Variants in SOX6 observed in about 807,000 individuals in gnomAD.
SOX6 encodes transcription factor SOX-6.
Under a neutral mutation model 97.8 loss-of-function variants are expected in SOX6, and 11 were observed. The observed-to-expected ratio is 0.11, with a 90% CI of 0.07 to 0.19. The LOEUF is 0.19. SOX6 is among the 10% of genes least tolerant of loss of function. The pLI is 1.00. For missense variants in SOX6, 810 were observed against 1,039.5 expected (o/e 0.78, Z 3.04); for synonymous variants, 360 against 371.4 (o/e 0.97, Z 0.35).
At chr11:16,313,003 T>A (rs1335332094) in intron 3 of SOX6, 2 of 152,150 alleles carry the variant, frequency 1.3e-5, no homozygotes, top group Non-Finnish European at 2.9e-5. Flanking sequence ...AATTTACCAA[T>A]CTATAATACT....
intron 3 of SOX6, among the ~76,000 whole-genome samples, chr11:16,637,374 C>A (rs2134000700): frequency 6.6e-6 from 1 of 152,226 alleles, no homozygotes; most frequent in East Asian, 1.9e-4. Flanking sequence ...GCGTGCACTA[C>A]CATGCCCAGC....
intron 3 of SOX6, among the ~76,000 whole-genome samples, chr11:16,700,796 C>T (rs574255955): frequency 6.6e-6 from 1 of 152,254 alleles, no homozygotes; most frequent in African/African-American, 2.4e-5. Flanking sequence ...ATAATGGCTT[C>T]CTGCTATTGC....
chr11:16,226,281 C>T (rs545593335), intron 4 of SOX6, among the ~76,000 whole-genome samples: 2 of 151,328 alleles, frequency 1.3e-5, no homozygotes, highest in South Asian at 2.1e-4. Context: ...AAAGAAAACA[C>T]GATTTTCCTT....
At chr11:16,087,635 A>C (rs1300501370) in intron 9 of SOX6, among the ~76,000 whole-genome samples, 1 of 152,166 alleles carries the variant, frequency 6.6e-6, no homozygotes, top group Non-Finnish European at 1.5e-5. Flanking sequence ...AAAAAAACTG[A>C]GGATAAACAG....
chr11:16,188,252 G>T (rs1292280460), intron 4 of SOX6, among the ~76,000 whole-genome samples: 1 of 136,394 alleles, frequency 7.3e-6, no homozygotes, highest in Non-Finnish European at 1.6e-5. Flanking sequence ...AAAAAGAAAA[G>T]CTGTCAGTAT....
chr11:16,734,827 A>AGATGAGAGT (rs1848379803), intron 2 of SOX6, among the ~76,000 whole-genome samples: 1 of 152,192 alleles, frequency 6.6e-6, no homozygotes, highest in Non-Finnish European at 1.5e-5. Context: ...AGAGTCTAGA[A>AGATGAGAGT]CAGTCAACAA....
At chr11:16,198,347 C>G (rs1037379549) in intron 4 of SOX6, among the ~76,000 whole-genome samples, 2 of 150,514 alleles carry the variant, frequency 1.3e-5, no homozygotes, top group Non-Finnish European at 3.0e-5. Flanking sequence ...AAGTGCCAGC[C>G]AATTCAAGAT....
chr11:16,231,436 T>C (rs7927191), intron 4 of SOX6, among the ~76,000 whole-genome samples: 31,173 of 151,638 alleles, frequency 0.21, 3,888 homozygotes, highest in Admixed American at 0.32. Flanking sequence ...AACAATGATA[T>C]GTTTTTTCCC....
At chr11:16,562,027 C>T (rs11023985) in intron 4 of SOX6, among the ~76,000 whole-genome samples, 26,094 of 152,064 alleles carry the variant, frequency 0.17, 2,775 homozygotes, top group East Asian at 0.32. Flanking sequence ...GTGCCCAGCC[C>T]CTTATTTGCC....
At chr11:16,063,316 C>A (rs1848004287) in intron 9 of SOX6, among the ~76,000 whole-genome samples, 1 of 150,652 alleles carries the variant, frequency 6.6e-6, no homozygotes, top group Non-Finnish European at 1.5e-5. Flanking sequence ...TGGTGAAACC[C>A]TTCAGTGCCT....
Position 16,318,548 on chromosome 11 carries a change from C to T in SOX6, c.343G>A (p.Val115Ile). The T allele has an allele frequency of 6.2e-7, 1 of 1,613,688 alleles. No individual in the cohort carries two copies. Among genetic ancestry groups the T allele is most frequent in the Non-Finnish European group, 8.5e-7 (1 of 1,179,780 alleles). The change falls in exon 3 of 16, where the codon GTT becomes ATT. Residue 115 changes from valine to isoleucine, a missense_variant. Physicochemically the swap from Val to Ile is conservative, Grantham distance 29. Coordinates refer to ENST00000683767, the MANE Select transcript of SOX6 (RefSeq NM_001367873.1). ...CGGCGCTCTGGGGTTCCAAAAGTAA[C>T]ACTGGTCATTATCTCACGGTCCCGA... ...GSRDREIMTS[V>I]TFGTPERRKG... is the part of the protein sequence containing the mutation.
chr11:16,376,880 A>G (rs1179906460), intron 1 of SOX6, among the ~76,000 whole-genome samples: 3 of 152,048 alleles, frequency 2.0e-5, no homozygotes, highest in Admixed American at 6.6e-5. Flanking sequence ...GAGATAAGGG[A>G]AGGGAAAGGA....
At chr11:16,550,566 T>G (rs1847672298) in intron 4 of SOX6, among the ~76,000 whole-genome samples, 1 of 152,158 alleles carries the variant, frequency 6.6e-6, no homozygotes, top group South Asian at 2.1e-4. Flanking sequence ...ACTGTGTTAC[T>G]AAAAAGAGTG....
chr11:16,402,649 A>C, intron 1 of SOX6: 1 of 1,609,160 alleles, frequency 6.2e-7, no homozygotes. Context: ...CAAAATACAA[A>C]CTCTCTTACC....
intron 3 of SOX6, chr11:16,313,181 C>T (rs996942831): frequency 6.6e-6 from 1 of 152,144 alleles, no homozygotes; most frequent in Non-Finnish European, 1.5e-5. Context: ...AGATTAAACA[C>T]TGGACAATTT....
At chr11:15,994,017 T>C (rs1854146881) in intron 13 of SOX6, among the ~76,000 whole-genome samples, 1 of 152,224 alleles carries the variant, frequency 6.6e-6, no homozygotes, top group Admixed American at 6.5e-5. Context: ...AATTTATTTA[T>C]GTATTAATTC....
chr11:16,198,087 C>T (rs1401965935), intron 4 of SOX6, among the ~76,000 whole-genome samples: 8 of 152,012 alleles, frequency 5.3e-5, no homozygotes, highest in Admixed American at 4.6e-4. Flanking sequence ...GCGTTTTGCA[C>T]TTCTTGCCCA....
At chr11:16,354,830 A>C (rs1231107003) in intron 1 of SOX6, among the ~76,000 whole-genome samples, 1 of 152,062 alleles carries the variant, frequency 6.6e-6, no homozygotes, top group Non-Finnish European at 1.5e-5. Flanking sequence ...ATACCTTTCA[A>C]AGCCTGATTA....
rs370782251 is a variant in SOX6 at position 16,692,056 on chromosome 11, C to T, written n.429+22774G>A. Among the ~76,000 whole-genome samples the T allele has an allele frequency of 1.6e-3, 235 of 144,380 alleles. 3 individuals are homozygous for T. Among genetic ancestry groups the T allele is most frequent in the African/African-American group, 3.3e-3 (127 of 38,270 alleles). 94.7% of individuals were successfully genotyped at this position (144,380 alleles called of 152,430 possible). A position where few individuals can be genotyped will look rare whatever the true frequency, so the allele number is the denominator to read the frequency against. On this transcript the variant is annotated intron_variant and non_coding_transcript_variant, in intron 3 of 5. Transcript: ENST00000524520. ...TCACTGAAGTTTTGATTTGCGTGTG[C>T]GTGTGTGTGTGTGTGTGTGTGTGTG...
Sources: allele counts gnomAD v4.1 joint callset (sites outside exome capture counted in the v4.1 genomes callset), GRCh38; gene constraint gnomAD v4.1.1; transcripts MANE v1.5; gene names NCBI Gene and HGNC (gene_info 2026-07-23, HGNC 2026-07-21).